ACSL4: variants seen among roughly 807,000 people sequenced by gnomAD.
ACSL4 encodes the protein acyl-CoA synthetase long chain family member 4.
ACSL4 carries 9 observed loss-of-function variants against 49.1 expected under a neutral mutation model. The ratio of observed to expected loss-of-function variants is 0.18; its 90% CI spans 0.11 to 0.32. The LOEUF (loss-of-function observed/expected upper bound fraction) is 0.32. ACSL4 is among the 10% of genes least tolerant of loss of function. ACSL4 has a pLI of 1.00. For synonymous variants in ACSL4, 191 were observed against 170.3 expected (o/e 1.12, Z -0.95); for missense variants, 333 against 493.7 (o/e 0.67, Z 3.08).
chrX:109,723,628 C>A (rs1386491240), intron 1 of ACSL4, among the ~76,000 whole-genome samples: 1 of 111,910 alleles, frequency 8.9e-6, no homozygotes, highest in Admixed American at 9.5e-5. Flanking sequence ...TTAAATCATT[C>A]CCTACTGATG....
rs745534167 is a variant in ACSL4, at chrX:109,678,375, G to A, written c.696C>T (p.Ala232=). 238 of 1,210,054 alleles carry A rather than the reference G, an allele frequency of 2.0e-4. 2 individuals are homozygous for A. The South Asian group carries it at 3.5e-3, about 18-fold the overall frequency. ...PPSRPTPSDM[A]IVMYTSGSTG... Reference sequence around the variant, plus strand: ...TAGAACCACTAGTATACATAACAATGGCCATGTCTGAAGGCGTTGGTCTAC... The same window carrying A: ...TAGAACCACTAGTATACATAACAATAGCCATGTCTGAAGGCGTTGGTCTAC... The change falls in exon 7 of 16, where the codon GCC becomes GCT. Residue 232 remains alanine, a synonymous_variant. Coordinates refer to ENST00000672401, the MANE Select transcript of ACSL4 (RefSeq NM_001318510.2).
intron 15 of ACSL4, among the ~76,000 whole-genome samples, chrX:109,653,690 T>C (rs1405926509): frequency 9.2e-6 from 1 of 109,205 alleles, no homozygotes; most frequent in African/African-American, 3.4e-5. Context: ...TCATTCTCAG[T>C]AAACTATCGC....
chrX:109,727,658 TG>T (rs1179914662), intron 1 of ACSL4, among the ~76,000 whole-genome samples: 2 of 1,287 alleles, frequency 1.6e-3, no homozygotes, highest in African/African-American at 0.013. Context: ...TTTGTTAAAT[TG>T]TGTGTGTGTG....
chrX:109,657,700 C>G (rs1355868720), intron 15 of ACSL4, among the ~76,000 whole-genome samples: 1 of 111,687 alleles, frequency 9.0e-6, no homozygotes, highest in African/African-American at 3.3e-5. Context: ...GTCTTTACAG[C>G]AGCATTATTT....
intron 2 of ACSL4, among the ~76,000 whole-genome samples, chrX:109,684,915 C>T (rs1924463502): frequency 9.1e-6 from 1 of 110,312 alleles, no homozygotes; most frequent in Admixed American, 9.7e-5. Context: ...ACACTAAATA[C>T]GCTAAATACG....
At chrX:109,644,626 C>T (rs1222057616) in intron 15 of ACSL4, among the ~76,000 whole-genome samples, 2 of 112,332 alleles carry the variant, frequency 1.8e-5, no homozygotes, top group Admixed American at 9.4e-5. Flanking sequence ...AATACCACCA[C>T]CCCGGAGAGG....
intron 1 of ACSL4, among the ~76,000 whole-genome samples, chrX:109,714,992 C>T (rs1927015280): frequency 8.9e-6 from 1 of 111,937 alleles, no homozygotes; most frequent in Admixed American, 9.5e-5. Flanking sequence ...TGCCTCTAAT[C>T]CTAGCACTTT....
chrX:109,659,328 T>C, intron 15 of ACSL4, 26 bp downstream of exon 15: 1 of 1,196,475 alleles, frequency 8.4e-7, no homozygotes, highest in Non-Finnish European at 1.1e-6. Flanking sequence ...TTAGGGACTA[T>C]ACCAGTCTAG....
At chrX:109,713,951 A>G (rs1926938195) in intron 1 of ACSL4, among the ~76,000 whole-genome samples, 1 of 112,065 alleles carries the variant, frequency 8.9e-6, no homozygotes, top group Non-Finnish European at 1.9e-5. Context: ...GGACATATCA[A>G]TATTTCTAAA....
At chrX:109,683,656 A>G in intron 2 of ACSL4, 1 of 443,846 alleles carries the variant, frequency 2.3e-6, no homozygotes, top group Admixed American at 4.0e-5. Context: ...GAAGCCGACA[A>G]TAAAGTACGC....
chrX:109,673,983 A>C (rs183016994), intron 9 of ACSL4, among the ~76,000 whole-genome samples: 1 of 111,751 alleles, frequency 8.9e-6, no homozygotes, highest in Admixed American at 9.5e-5. Context: ...TAATCACCAT[A>C]AGAGAGTTGG....
At chrX:109,649,431 T>G (rs1447443094) in intron 15 of ACSL4, among the ~76,000 whole-genome samples, 2 of 111,710 alleles carry the variant, frequency 1.8e-5, no homozygotes, top group African/African-American at 6.5e-5. Flanking sequence ...GGGGAAAGGA[T>G]TCCCTATTTA....
chrX:109,675,228 C>T (rs146421327), intron 8 of ACSL4, among the ~76,000 whole-genome samples: 8 of 113,047 alleles, frequency 7.1e-5, no homozygotes, highest in African/African-American at 1.9e-4. Context: ...TTGCCCTCTG[C>T]ATGCTACTGA....
chrX:109,693,049 C>T (rs375199351), intron 2 of ACSL4, among the ~76,000 whole-genome samples: 1 of 111,448 alleles, frequency 9.0e-6, no homozygotes, highest in East Asian at 2.8e-4. Context: ...GAGAATTTTA[C>T]AACTATGCCT....
intron 13 of ACSL4, among the ~76,000 whole-genome samples, chrX:109,662,877 C>T (rs917485517): frequency 9.0e-6 from 1 of 111,587 alleles, no homozygotes; most frequent in Non-Finnish European, 1.9e-5. Context: ...GTCCTCTGAG[C>T]TCTTTTTGTT....
intron 13 of ACSL4, 73 bp from the exon 14 acceptor site, chrX:109,661,718 C>T: frequency 3.0e-6 from 2 of 661,968 alleles, no homozygotes; most frequent in Non-Finnish European, 5.0e-6. Context: ...CTTTGAATAT[C>T]ATTGCCTTAA....
intron 15 of ACSL4, among the ~76,000 whole-genome samples, chrX:109,645,220 G>T (rs1158090242): frequency 8.8e-6 from 1 of 113,058 alleles, no homozygotes; most frequent in Non-Finnish European, 1.9e-5. Context: ...CTGGGGGCAG[G>T]GCACAGACAA....
chrX:109,663,078 C>A, intron 13 of ACSL4, 133 bp downstream of exon 13: 1 of 565,753 alleles, frequency 1.8e-6, no homozygotes, highest in Non-Finnish European at 2.8e-6. Flanking sequence ...GAAGCTCATA[C>A]ATAAGTTAAA....
intron 15 of ACSL4, among the ~76,000 whole-genome samples, chrX:109,645,243 C>T (rs1379086980): frequency 1.1e-4 from 13 of 113,047 alleles, no homozygotes; most frequent in African/African-American, 3.8e-4. Flanking sequence ...AAAAAGACAG[C>T]AGTAACCTCT....
Sources: allele counts gnomAD v4.1 joint callset (sites outside exome capture counted in the v4.1 genomes callset), GRCh38; gene constraint gnomAD v4.1.1; transcripts MANE v1.5; gene names NCBI Gene and HGNC (gene_info 2026-07-23, HGNC 2026-07-21).